WDR17: variants seen among roughly 807,000 people sequenced by gnomAD.
The protein encoded by WDR17 is WD repeat domain 17, also known as WD repeat-containing protein 17.
A neutral mutation model predicts 161.7 loss-of-function variants in WDR17; 143 were observed. That is an observed-to-expected ratio of 0.88 (90% confidence interval 0.77 to 1.02). The LOEUF is 1.02. Among genes scored for constraint, WDR17 ranks in the 50% least tolerant of loss-of-function variants. WDR17 has a pLI of 0.00. For missense variants in WDR17, 1,469 were observed against 1,520.9 expected (o/e 0.97, Z 0.57); for synonymous variants, 517 against 515.6 (o/e 1.00, Z -0.04).
intron 8 of WDR17, among the ~76,000 whole-genome samples, chr4:176,136,700 T>C (rs7670070): frequency 0.27 from 40,645 of 151,268 alleles, 5,741 homozygotes; most frequent in African/African-American, 0.35. Context: ...TGTATCTTAG[T>C]GTAGATACCA....
chr4:176,107,653 A>G lies in WDR17; in HGVS notation c.-6-3922A>G, dbSNP rs114351738. 4.9e-3 allele frequency among the ~76,000 whole-genome samples: 745 copies of G among 152,068 alleles called. 7 individuals are homozygous for G. Among genetic ancestry groups the G allele is most frequent in the African/African-American group, 0.016 (673 of 41,468 alleles). On this transcript the variant is annotated intron_variant, in intron 1 of 28. Transcript: ENST00000508596. ...TACAACATGGATGAAACTTAAGGAC[A>G]TTATGTATTCAAGTCTTTTGCCCAT...
intron 1 of WDR17, among the ~76,000 whole-genome samples, chr4:176,091,501 A>G (rs1208947701): frequency 6.6e-6 from 1 of 152,194 alleles, no homozygotes; most frequent in Non-Finnish European, 1.5e-5. Context: ...AGCAGTATTA[A>G]GAGAAACATT....
intron 18 of WDR17, among the ~76,000 whole-genome samples, chr4:176,159,308 C>CGG (rs1748664646): frequency 7.3e-6 from 1 of 137,796 alleles, no homozygotes; most frequent in Non-Finnish European, 1.5e-5. Flanking sequence ...TACACACACA[C>CGG]AGATGGAGAG....
intron 23 of WDR17, 177 bp from the exon 24 acceptor site, chr4:176,172,198 T>A: frequency 1.7e-6 from 1 of 580,814 alleles, no homozygotes; most frequent in African/African-American, 1.9e-5. Context: ...TGTTTTTAGA[T>A]CTTAAAGGTA....
rs1486874386 is a variant in WDR17 at position 176,101,992 on chromosome 4, G to T, written c.-6-9583G>T. Among the ~76,000 whole-genome samples the T allele has an allele frequency of 3.3e-5, 5 of 152,070 alleles. No individual in the cohort carries two copies. The East Asian group carries it at 9.6e-4, about 29-fold the overall frequency. On this transcript the variant is annotated intron_variant, in intron 1 of 28. Transcript: ENST00000508596. ...GGCTAGCACTTTTTAGATACAAAAG[G>T]TATGTTTTATGAAAAATAATTGATA... is the stretch of plus-strand genomic sequence containing the variant.
At chr4:176,120,120 A>G (rs1232646039) in intron 4 of WDR17, 23 bp downstream of exon 4, 1 of 1,554,928 alleles carries the variant, frequency 6.4e-7, no homozygotes, top group Non-Finnish European at 8.8e-7. Flanking sequence ...TTAGCAAGGT[A>G]TCTTAAATAG....
intron 1 of WDR17, among the ~76,000 whole-genome samples, chr4:176,108,358 A>G (rs1044620947): frequency 6.6e-6 from 1 of 152,116 alleles, no homozygotes; most frequent in Non-Finnish European, 1.5e-5. Context: ...ACTATAAGAC[A>G]TTGTGGGAAG....
Position 176,096,593 on chromosome 4 carries a change from A to G in WDR17, c.-6-14982A>G, listed in dbSNP as rs752191597. Reference sequence around the variant, plus strand: ...TATGAAGGACTACAAAGAGTAAGATACATTTACTTGTAATTACGATTTCCT... The same window carrying G: ...TATGAAGGACTACAAAGAGTAAGATGCATTTACTTGTAATTACGATTTCCT... On this transcript the variant is annotated intron_variant, in intron 1 of 28. Coordinates refer to ENST00000508596, the MANE Select transcript of WDR17 (RefSeq NM_181265.4). 2.1e-5 allele frequency: 33 copies of G among 1,570,766 alleles called. No individual in the cohort carries two copies. The South Asian group carries it at 3.7e-4, about 17-fold the overall frequency.
Position 176,156,073 on chromosome 4 carries a change from T to G in WDR17, c.2461-6T>G. On this transcript the variant is annotated splice_region_variant and splice_polypyrimidine_tract_variant and intron_variant, in intron 17 of 28. Transcript: ENST00000508596. ...ATGCTCCTGCCCTTTTTGCCTTCTA[T>G]TGTAGTGGGACAAAGCCCTGTCAAT... 6.2e-7 allele frequency: 1 copy of G among 1,613,322 alleles called. No individual in the cohort carries two copies. Among genetic ancestry groups the G allele is most frequent in the African/African-American group, 1.3e-5 (1 of 74,990 alleles).
chr4:176,130,967 G>A (rs1036472339), intron 6 of WDR17, among the ~76,000 whole-genome samples: 31 of 151,862 alleles, frequency 2.0e-4, no homozygotes, highest in African/African-American at 6.8e-4. Flanking sequence ...GAAAGTAGGA[G>A]AAATCCAAGT....
At chr4:176,096,674 C>A (rs1386707192) in intron 1 of WDR17, 3 of 1,081,510 alleles carry the variant, frequency 2.8e-6, no homozygotes, top group African/African-American at 1.6e-5. Context: ...TCATTTATAT[C>A]GTGGACATTT....
intron 1 of WDR17, among the ~76,000 whole-genome samples, chr4:176,087,309 A>T (rs1399199933): frequency 2.0e-5 from 3 of 152,042 alleles, no homozygotes; most frequent in Non-Finnish European, 4.4e-5. Flanking sequence ...TTTAAATAAT[A>T]TGTTTACTGA....
At chr4:176,112,306 C>T (rs1241921344) in intron 2 of WDR17, among the ~76,000 whole-genome samples, 2 of 152,108 alleles carry the variant, frequency 1.3e-5, no homozygotes, top group Non-Finnish European at 2.9e-5. Context: ...TCTTTCTCAC[C>T]TAAACTATTA....
At chr4:176,076,962 T>C (rs1734125819) in intron 1 of WDR17, among the ~76,000 whole-genome samples, 1 of 152,128 alleles carries the variant, frequency 6.6e-6, no homozygotes, top group African/African-American at 2.4e-5. Context: ...ATAGGCATTG[T>C]CTAGCAGACT....
intron 1 of WDR17, among the ~76,000 whole-genome samples, chr4:176,101,793 A>G (rs1737874970): frequency 6.6e-6 from 1 of 152,194 alleles, no homozygotes; most frequent in Non-Finnish European, 1.5e-5. Flanking sequence ...AGTCTTTTCA[A>G]CAAATGAGGC....
chr4:176,156,854 C>A (rs1201694052), intron 18 of WDR17, among the ~76,000 whole-genome samples: 2 of 152,024 alleles, frequency 1.3e-5, no homozygotes, highest in African/African-American at 2.4e-5. Flanking sequence ...TGCGTGCAGT[C>A]CTTGGCATCT....
chr4:176,119,803 T>A (rs1319294897), intron 3 of WDR17, 64 bp from the exon 4 acceptor site: 1 of 1,363,660 alleles, frequency 7.3e-7, no homozygotes. Flanking sequence ...ACAGGGCAAG[T>A]AATATTTAAT....
chr4:176,123,961 A>G (rs1398537329), intron 4 of WDR17, among the ~76,000 whole-genome samples: 2 of 152,202 alleles, frequency 1.3e-5, no homozygotes, highest in Admixed American at 1.3e-4. Context: ...ATACAAAAAG[A>G]CACTGTAGAG....
rs373224656 is a variant in WDR17 at position 176,174,659 on chromosome 4, A to G, written c.3390A>G (p.Ala1130=). ...TGATATTATGTGGTTACATTGGTGC[A>G]TTACTGGCTATCAGAAGACAGTACC... ...ELLILCGYIG[A]LLAIRRQYQS... Residue 1130 remains alanine, a synonymous_variant, in exon 26 of 29, where the codon GCA becomes GCG. Coordinates refer to ENST00000508596, the MANE Select transcript of WDR17 (RefSeq NM_181265.4). The G allele has an allele frequency of 9.9e-6, 16 of 1,612,430 alleles. No individual in the cohort carries two copies. Among genetic ancestry groups the G allele is most frequent in the Non-Finnish European group, 1.4e-5 (16 of 1,179,030 alleles).
Sources: gnomAD v4.1 joint callset for allele counts (sites outside exome capture counted in the v4.1 genomes callset) on GRCh38, gnomAD v4.1.1 for gene constraint, MANE v1.5 for transcripts, NCBI Gene and HGNC (gene_info 2026-07-23, HGNC 2026-07-21) for gene names.